The following CENPP variants were observed in gnomAD, a reference collection of about 807,000 sequenced individuals.
CENPP encodes centromere protein P.
In CENPP, 24 loss-of-function variants were observed where a neutral mutation model predicts 35.6. That is an observed-to-expected ratio of 0.67 (90% confidence interval 0.49 to 0.95). The LOEUF (loss-of-function observed/expected upper bound fraction) is 0.95, where lower values mean the gene tolerates loss of function less well. Ranked by LOEUF, CENPP falls within the 40% of genes least tolerant of loss-of-function variation. The pLI is 0.00. For synonymous variants in CENPP, 120 were observed against 125.5 expected (o/e 0.96, Z 0.29); for missense variants, 332 against 345.3 (o/e 0.96, Z 0.31).
intron 5 of CENPP, chr9:92,517,498 A>G (rs1016279781): frequency 5.5e-6 from 4 of 723,850 alleles, no homozygotes; most frequent in Admixed American, 2.8e-5. Flanking sequence ...ATAAAGCCAC[A>G]GTCTATTATT....
intron 5 of CENPP, among the ~76,000 whole-genome samples, chr9:92,562,413 C>T (rs1309631053): frequency 1.3e-5 from 2 of 151,974 alleles, no homozygotes; most frequent in African/African-American, 4.8e-5. Flanking sequence ...ACCATATTGG[C>T]CAGGCTGGTC....
At chr9:92,433,705 G>T (rs760139696) in intron 5 of CENPP, among the ~76,000 whole-genome samples, 1 of 152,154 alleles carries the variant, frequency 6.6e-6, no homozygotes, top group Non-Finnish European at 1.5e-5. Context: ...GCCGAAGCAG[G>T]CAGATCACTT....
intron 5 of CENPP, chr9:92,502,460 A>G (rs1440005968): frequency 6.3e-7 from 1 of 1,587,676 alleles, no homozygotes; most frequent in Non-Finnish European, 8.6e-7. Context: ...CTGTTTAATA[A>G]TAGCGAGAGG....
chr9:92,364,836 A>G (rs1189497058), intron 4 of CENPP, among the ~76,000 whole-genome samples: 1 of 152,228 alleles, frequency 6.6e-6, no homozygotes, highest in Non-Finnish European at 1.5e-5. Flanking sequence ...ATAAATGCAT[A>G]CAATGTCTAC....
chr9:92,470,676 GAAGT>G (rs768627796), intron 5 of CENPP: 1 of 1,480,088 alleles, frequency 6.8e-7, no homozygotes, highest in Non-Finnish European at 9.3e-7. Flanking sequence ...TACATAAAGT[GAAGT>G]GAGTCCTTTA....
chr9:92,494,266 T>A, intron 5 of CENPP: 2 of 905,964 alleles, frequency 2.2e-6, no homozygotes, highest in Non-Finnish European at 3.2e-6. Context: ...CCTTTAATAC[T>A]AATTTTGTTT....
intron 4 of CENPP, among the ~76,000 whole-genome samples, chr9:92,350,332 T>C (rs570092744): frequency 4.4e-4 from 67 of 152,350 alleles, no homozygotes; most frequent in African/African-American, 1.6e-3. Flanking sequence ...CAGTCATTCT[T>C]ACAGCTGTGA....
At chr9:92,576,986 AT>A (rs1318702951) in intron 5 of CENPP, among the ~76,000 whole-genome samples, 1 of 152,230 alleles carries the variant, frequency 6.6e-6, no homozygotes, top group Non-Finnish European at 1.5e-5. Context: ...ATTTTAAATC[AT>A]TATGAGATTC....
intron 5 of CENPP, among the ~76,000 whole-genome samples, chr9:92,606,063 C>A (rs1851071479): frequency 6.6e-6 from 1 of 152,086 alleles, no homozygotes; most frequent in Admixed American, 6.6e-5. Context: ...GAGTTCAAGA[C>A]CAGCCTGGGC....
chr9:92,480,732 CT>C (rs1045666156), intron 5 of CENPP, among the ~76,000 whole-genome samples: 4 of 152,152 alleles, frequency 2.6e-5, no homozygotes, highest in Non-Finnish European at 4.4e-5. Context: ...AACTTTTCCC[CT>C]GGGTTTAAAC....
chr9:92,335,580 CTT>C (rs57278990), intron 2 of CENPP, among the ~76,000 whole-genome samples: 4 of 143,668 alleles, frequency 2.8e-5, no homozygotes, highest in Non-Finnish European at 4.6e-5. Flanking sequence ...TGTCTAGATT[CTT>C]TTTTTTTTTT....
intron 5 of CENPP, among the ~76,000 whole-genome samples, chr9:92,419,337 G>A (rs1843715484): frequency 8.2e-6 from 1 of 121,702 alleles, no homozygotes; most frequent in South Asian, 2.6e-4. Context: ...GTCTTGCTCT[G>A]TTGCCCAGAC....
chr9:92,379,691 A>G (rs1289733761), intron 4 of CENPP, 72 bp from the exon 5 acceptor site: 1 of 1,199,190 alleles, frequency 8.3e-7, no homozygotes, highest in African/African-American at 1.5e-5. Context: ...CATGAAAAGG[A>G]AAAGAAATAA....
intron 5 of CENPP, among the ~76,000 whole-genome samples, chr9:92,387,943 C>T (rs2130886027): frequency 6.9e-6 from 1 of 145,300 alleles, no homozygotes; most frequent in East Asian, 2.1e-4. Context: ...TTTTGTATTT[C>T]AGTAGAGACA....
chr9:92,559,222 C>T (rs1218239093), intron 5 of CENPP, among the ~76,000 whole-genome samples: 4 of 152,152 alleles, frequency 2.6e-5, no homozygotes, highest in East Asian at 1.9e-4. Flanking sequence ...CTCCTCTGGC[C>T]GCCCTCCCGA....
At chr9:92,480,313 T>G (rs868642335) in intron 5 of CENPP, among the ~76,000 whole-genome samples, 2 of 152,294 alleles carry the variant, frequency 1.3e-5, no homozygotes, top group Middle Eastern at 6.8e-3. Context: ...TCTTTGAGAC[T>G]TTCCCCCCAT....
chr9:92,605,172 G>C (rs1851041481), intron 5 of CENPP, among the ~76,000 whole-genome samples: 1 of 151,610 alleles, frequency 6.6e-6, no homozygotes, highest in Non-Finnish European at 1.5e-5. Flanking sequence ...GTAGAGAAGG[G>C]GTTACACCAT....
intron 3 of CENPP, among the ~76,000 whole-genome samples, chr9:92,344,818 G>T (rs1219817662): frequency 8.6e-5 from 13 of 151,170 alleles, no homozygotes; most frequent in Admixed American, 5.9e-4. Flanking sequence ...CAAAGTGCTG[G>T]ATTACAGGCG....
At chr9:92,536,164 A>C in intron 5 of CENPP, 6 of 378,824 alleles carry the variant, frequency 1.6e-5, no homozygotes, top group Non-Finnish European at 3.0e-5. Flanking sequence ...AATGGTTACC[A>C]AGGGAAATAT....
Sources: gnomAD v4.1 joint callset for allele counts (sites outside exome capture counted in the v4.1 genomes callset) on GRCh38, gnomAD v4.1.1 for gene constraint, MANE v1.5 for transcripts, NCBI Gene and HGNC (gene_info 2026-07-23, HGNC 2026-07-21) for gene names.